Variants in USF3 observed in about 807,000 individuals in gnomAD.
The protein encoded by USF3 is upstream transcription factor family member 3.
In USF3, 29 loss-of-function variants were observed where a neutral mutation model predicts 157.5. That is an observed-to-expected ratio of 0.18 (90% confidence interval 0.14 to 0.25). The LOEUF (loss-of-function observed/expected upper bound fraction) is 0.25, where lower values mean the gene tolerates loss of function less well. Among genes scored for constraint, USF3 ranks in the 10% least tolerant of loss-of-function variants. The pLI is 1.00. For missense variants in USF3, 2,381 were observed against 2,667.6 expected (o/e 0.89, Z 2.37); for synonymous variants, 893 against 941.4 (o/e 0.95, Z 0.94).
chr3:113,658,754 T>C lies in USF3; in HGVS notation c.2928A>G (p.Val976=), dbSNP rs1406773118. The C allele has an allele frequency of 6.2e-7, 1 of 1,614,210 alleles. No homozygotes were observed. Among genetic ancestry groups the C allele is most frequent in the Non-Finnish European group, 8.5e-7 (1 of 1,180,030 alleles). The change falls in exon 7 of 7, where the codon GTA becomes GTG. Residue 976 remains valine, a synonymous_variant. Transcript: ENST00000316407. ...CTCTGCAAGGTTCAGCAATGATTTC[T>C]ACCTCAGAAACACAGTCAGTACTTG... ...STTSTDCVSE[V]EIIAEPCRVE...
Position 113,657,964 on chromosome 3 carries a change from T to C in USF3, c.3718A>G (p.Ser1240Gly). The C allele has an allele frequency of 6.2e-7, 1 of 1,614,194 alleles. No individual in the cohort carries two copies. The highest frequency in any genetic ancestry group is 8.5e-7 in the Non-Finnish European group (1 of 1,180,028). The change falls in exon 7 of 7, where the codon AGT (serine) becomes GGT (glycine). Residue 1240 changes from serine to glycine, a missense_variant. This residue lies in a region of USF3 where 1,435 missense variants were observed against 1,550.9 expected (regional missense o/e 0.93). Coordinates refer to ENST00000316407, the MANE Select transcript of USF3 (RefSeq NM_001009899.4). ...TSQPPSITSL[S>G]VNNLIHQSSI... ...CTCTGATGGATAAGATTATTCACAC[T>C]TAAACTGGTGATGCTTGGTGGCTGA...
chr3:113,655,264 T>C lies in USF3; in HGVS notation c.6418A>G (p.Thr2140Ala), dbSNP rs374893330. 2.0e-5 allele frequency: 32 copies of C among 1,614,088 alleles called. No homozygotes were observed. The highest frequency in any genetic ancestry group is 4.0e-5 in the African/African-American group (3 of 75,046). ...AAACTTCCACTGTTTACCTTCTCTG[T>C]GCTAGGATTTGAGAACATCTGATTA... is the stretch of plus-strand genomic sequence containing the variant. ...FPNQMFSNPS[T>A]EKVNSGSLNN... Residue 2140 changes from threonine (T) to alanine (A), a missense_variant, in exon 7 of 7, where the codon ACA becomes GCA. By Grantham distance (58) the Thr-to-Ala change is moderately conservative (BLOSUM62 0). Around this residue, in one of 6 missense-constraint regions of USF3, gnomAD observed 770 missense variants for 824.2 expected, o/e 0.93. Transcript: ENST00000316407.
chr3:113,649,929 A>T lies in USF3; in HGVS notation c.*5015T>A. ...CTTTTCTTTCAAACCCTGGGGAAAGAAAAATGGTAATGTTCAGCCAAAAAG... is the reference window on the plus strand; with the variant it reads ...CTTTTCTTTCAAACCCTGGGGAAAGTAAAATGGTAATGTTCAGCCAAAAAG... On this transcript the variant is annotated 3_prime_UTR_variant, in exon 7 of 7. Transcript: ENST00000316407. 1 of 693,638 alleles carries T rather than the reference A, an allele frequency of 1.4e-6. No individual in the cohort carries two copies. Among genetic ancestry groups the T allele is most frequent in the Non-Finnish European group, 2.6e-6 (1 of 381,750 alleles). 43.0% of individuals were successfully genotyped at this position (693,638 alleles called of 1,614,324 possible). A position where few individuals can be genotyped will look rare whatever the true frequency, so the allele number is the denominator to read the frequency against.
chr3:113,679,933 CAG>C (rs1369710470), intron 1 of USF3, among the ~76,000 whole-genome samples: 2 of 150,298 alleles, frequency 1.3e-5, no homozygotes, highest in African/African-American at 4.9e-5. Context: ...GAATTTGTAA[CAG>C]AGTTTATGTT....
Position 113,655,668 on chromosome 3 carries a change from G to C in USF3, c.6014C>G (p.Thr2005Ser). 1.2e-6 allele frequency: 2 copies of C among 1,614,130 alleles called. No homozygotes were observed. Among genetic ancestry groups the C allele is most frequent in the Non-Finnish European group, 1.7e-6 (2 of 1,179,996 alleles). Residue 2005 changes from threonine (T) to serine (S), a missense_variant, in exon 7 of 7, where the codon ACT (threonine) becomes AGT (serine). By Grantham distance (58) the Thr-to-Ser change is moderately conservative. Around this residue, in one of 6 missense-constraint regions of USF3, gnomAD observed 770 missense variants for 824.2 expected, o/e 0.93. Coordinates refer to ENST00000316407, the MANE Select transcript of USF3 (RefSeq NM_001009899.4). Reference sequence around the variant, plus strand: ...ATGGGGAAGACTTGGATCAAAGACAGTACTTTGCCTTTGGTTTCCAGAACG... The same window carrying C: ...ATGGGGAAGACTTGGATCAAAGACACTACTTTGCCTTTGGTTTCCAGAACG... ...RNRSGNQRQSTVFDPSLPHLP... is the reference protein window; with the variant it reads ...RNRSGNQRQSSVFDPSLPHLP...
At position 113,658,286 on chromosome 3, in the gene USF3, T is replaced by G; in HGVS notation, c.3396A>C (p.Ile1132=). The change falls in exon 7 of 7, where the codon ATA becomes ATC. Residue 1132 remains isoleucine (I), a synonymous_variant. Coordinates refer to ENST00000316407, the MANE Select transcript of USF3 (RefSeq NM_001009899.4). ...AAATAGCTCTTGCTGCAAGAGCTAC[T>G]ATATCAGTTTGCTCTACAAAGGTAC... The part of the protein sequence containing the change: ...DSCTFVEQTD[I]VALAARAIFD... 6.2e-7 allele frequency: 1 copy of G among 1,614,218 alleles called. No individual in the cohort carries two copies. The highest frequency in any genetic ancestry group is 8.5e-7 in the Non-Finnish European group (1 of 1,180,034).
intron 1 of USF3, among the ~76,000 whole-genome samples, chr3:113,690,380 T>C (rs1707657072): frequency 6.6e-6 from 1 of 152,162 alleles, no homozygotes; most frequent in African/African-American, 2.4e-5. Flanking sequence ...TCTTTTCAGT[T>C]CACCATATTT....
At chr3:113,686,329 G>A (rs1043358621) in intron 1 of USF3, among the ~76,000 whole-genome samples, 8 of 152,138 alleles carry the variant, frequency 5.3e-5, no homozygotes, top group East Asian at 1.9e-4. Flanking sequence ...CAAGCACAGC[G>A]ATTCTCTCTG....
chr3:113,667,157 A>G (rs963325542), intron 5 of USF3, among the ~76,000 whole-genome samples: 2 of 151,664 alleles, frequency 1.3e-5, no homozygotes. Flanking sequence ...ACAGAGACCC[A>G]ATACGTAAAC....
At chr3:113,662,214 T>C (rs1262346552) in intron 6 of USF3, among the ~76,000 whole-genome samples, 3 of 152,224 alleles carry the variant, frequency 2.0e-5, no homozygotes, top group Admixed American at 2.0e-4. Context: ...CAAAAAGGAA[T>C]AGAACACATA....
chr3:113,656,940 T>C lies in USF3; in HGVS notation c.4742A>G (p.Asn1581Ser), dbSNP rs1006305930. The C allele has an allele frequency of 1.9e-6, 3 of 1,614,088 alleles. No homozygotes were observed. The highest frequency in any genetic ancestry group is 2.5e-6 in the Non-Finnish European group (3 of 1,180,006). The change falls in exon 7 of 7, where the codon AAC becomes AGC. Residue 1581 changes from asparagine (N) to serine (S), a missense_variant. This residue lies in a region of USF3 where 770 missense variants were observed against 824.2 expected (regional missense o/e 0.93). Coordinates refer to ENST00000316407, the MANE Select transcript of USF3 (RefSeq NM_001009899.4). ...GSSQTEKSCE[N>S]PSTSRNHHNH... ...ATGATGGTTCCGACTAGTTGAAGGG[T>C]TTTCACAGCTCTTCTCTGTCTGGGA...
At chr3:113,680,606 G>A (rs780141532) in intron 1 of USF3, among the ~76,000 whole-genome samples, 15 of 152,086 alleles carry the variant, frequency 9.9e-5, no homozygotes, top group Non-Finnish European at 1.8e-4. Context: ...GAGGTGAGGA[G>A]TTTAAGACCA....
chr3:113,660,195 A>G lies in USF3; in HGVS notation c.1487T>C (p.Val496Ala), dbSNP rs770937050. ...TAAAGATGGACAAGAAGGCAATGTT[A>G]CAACTACTTGCTCAACTGGCTGCCC... ...ADGQPVEQVV[V>A]TLPSCPSLPM... The change falls in exon 7 of 7, where the codon GTA (valine) becomes GCA (alanine). Residue 496 changes from valine to alanine, a missense_variant. By Grantham distance (64) the Val-to-Ala change is moderately conservative. This residue lies in a region of USF3 where 1,435 missense variants were observed against 1,550.9 expected (regional missense o/e 0.93). Coordinates refer to ENST00000316407, the MANE Select transcript of USF3 (RefSeq NM_001009899.4). 7 of 1,614,200 alleles carry G rather than the reference A, an allele frequency of 4.3e-6. No homozygotes were observed. In the South Asian group the frequency reaches 6.6e-5, roughly 15 times the overall value.
At chr3:113,692,791 T>A (rs1707712777) in intron 1 of USF3, among the ~76,000 whole-genome samples, 1 of 152,230 alleles carries the variant, frequency 6.6e-6, no homozygotes, top group Non-Finnish European at 1.5e-5. Flanking sequence ...CCTTCTGAAG[T>A]AGTGCAATTG....
Position 113,658,050 on chromosome 3 carries a change from T to G in USF3, c.3632A>C (p.Glu1211Ala). 1 of 1,614,216 alleles carries G rather than the reference T, an allele frequency of 6.2e-7. No homozygotes were observed. Among genetic ancestry groups the G allele is most frequent in the African/African-American group, 1.3e-5 (1 of 75,058 alleles). Reference sequence around the variant, plus strand: ...AATTCCTAGAGAACAACTTGGTTTCTCAAGGGGCCTCTCCATAGTTGCTTC... The same window carrying G: ...AATTCCTAGAGAACAACTTGGTTTCGCAAGGGGCCTCTCCATAGTTGCTTC... Reference protein sequence around the residue: ...SIEATMERPLEKPSCSLGIKT... With the variant: ...SIEATMERPLAKPSCSLGIKT... Residue 1211 changes from glutamate to alanine, a missense_variant, in exon 7 of 7, where the codon GAG becomes GCG. Glu to Ala is a moderately radical substitution (Grantham distance 107). Coordinates refer to ENST00000316407, the MANE Select transcript of USF3 (RefSeq NM_001009899.4).
rs372529822 is a variant in USF3, at chr3:113,657,515, A to C, written c.4167T>G (p.Val1389=). ...PPNSSNSVVP[V]SNPAHGDGLT... is the part of the protein sequence containing the mutation. ...GGCCATCTCCATGAGCTGGGTTGCT[A>C]ACAGGCACAACTGAGTTTGAAGAAT... The change falls in exon 7 of 7, where the codon GTT becomes GTG. Residue 1389 remains valine, a synonymous_variant. Transcript: ENST00000316407. 8.9e-5 allele frequency: 143 copies of C among 1,614,054 alleles called. No homozygotes were observed. Among genetic ancestry groups the C allele is most frequent in the Non-Finnish European group, 1.1e-4 (131 of 1,180,044 alleles).
intron 1 of USF3, among the ~76,000 whole-genome samples, chr3:113,682,177 T>C (rs190210577): frequency 6.6e-6 from 1 of 152,210 alleles, no homozygotes; most frequent in East Asian, 1.9e-4. Context: ...TAGAAAAAAT[T>C]ATCCAGATAA....
At chr3:113,669,488 T>C (rs779323237) in intron 5 of USF3, among the ~76,000 whole-genome samples, 29 of 152,332 alleles carry the variant, frequency 1.9e-4, no homozygotes, top group Non-Finnish European at 3.7e-4. Flanking sequence ...ATTATAATAG[T>C]GATTATTGCT....
chr3:113,664,359 T>C lies in USF3; in HGVS notation c.210A>G (p.Lys70=). The stretch of plus-strand genomic sequence containing the variant: ...TAAGCAGGAGTTCATCATTTTGCCT[T>C]TTCAATTCTGTTATATATTTAAAGG... ...DQAFKYITEL[K]RQNDELLLNG... is the part of the protein sequence containing the mutation. The change falls in exon 6 of 7, where the codon AAA becomes AAG. Residue 70 remains lysine (K), a synonymous_variant. Transcript: ENST00000316407. The C allele has an allele frequency of 6.2e-7, 1 of 1,610,834 alleles. No homozygotes were observed. Among genetic ancestry groups the C allele is most frequent in the Non-Finnish European group, 8.5e-7 (1 of 1,177,982 alleles).
Sources: gnomAD v4.1 joint callset for allele counts (sites outside exome capture counted in the v4.1 genomes callset) on GRCh38, gnomAD v4.1.1 for gene constraint, gnomAD v4.1.1 regional missense constraint, MANE v1.5 for transcripts, NCBI Gene and HGNC (gene_info 2026-07-23, HGNC 2026-07-21) for gene names.